The following GRB14 variants were observed in gnomAD, a reference collection of about 807,000 sequenced individuals.
GRB14 encodes the protein growth factor receptor bound protein 14.
In GRB14, 38 loss-of-function variants were observed where a neutral mutation model predicts 69.1. That is an observed-to-expected ratio of 0.55 (90% CI 0.42 to 0.72). The LOEUF is 0.72. GRB14 is among the 30% of genes least tolerant of loss of function. GRB14 has a pLI of 0.00. For missense variants in GRB14, 666 were observed against 666.1 expected, an observed-to-expected ratio of 1.00 and a Z score of 0.00; for synonymous variants, 247 against 241.3, an observed-to-expected ratio of 1.02 and a Z score of -0.22.
intron 2 of GRB14, among the ~76,000 whole-genome samples, chr2:164,548,605 T>G (rs1574296809): frequency 6.6e-6 from 1 of 152,182 alleles, no homozygotes; most frequent in Non-Finnish European, 1.5e-5. Context: ...TATATGGCAG[T>G]TCTATTTTTA....
intron 6 of GRB14, among the ~76,000 whole-genome samples, chr2:164,509,805 A>C (rs1574254213): frequency 1.3e-5 from 2 of 149,906 alleles, no homozygotes; most frequent in African/African-American, 5.0e-5. Context: ...AAAAAAAAAA[A>C]AAAAAAAACA....
intron 8 of GRB14, 101 bp from the exon 9 acceptor site, chr2:164,502,436 C>T (rs1687080534): frequency 1.4e-6 from 1 of 718,898 alleles, no homozygotes; most frequent in South Asian, 2.1e-5. Flanking sequence ...AATATAAAAA[C>T]AATTAAAGCA....
intron 2 of GRB14, among the ~76,000 whole-genome samples, chr2:164,577,460 T>C (rs1353881553): frequency 6.6e-6 from 1 of 152,178 alleles, no homozygotes; most frequent in Non-Finnish European, 1.5e-5. Context: ...TGTTTGAAAG[T>C]GTGTAGCACT....
intron 2 of GRB14, chr2:164,568,231 C>T: frequency 1.3e-6 from 1 of 760,030 alleles, no homozygotes; most frequent in Non-Finnish European, 1.9e-6. Flanking sequence ...AGTAAAGCTT[C>T]CTATGTATTA....
intron 2 of GRB14, among the ~76,000 whole-genome samples, chr2:164,607,200 T>G (rs1272473018): frequency 6.6e-6 from 1 of 152,236 alleles, no homozygotes; most frequent in Non-Finnish European, 1.5e-5. Flanking sequence ...TGATATCATT[T>G]ATATTAAAAT....
intron 2 of GRB14, among the ~76,000 whole-genome samples, chr2:164,591,470 G>A (rs1202453281): frequency 6.6e-6 from 1 of 152,106 alleles, no homozygotes; most frequent in African/African-American, 2.4e-5. Context: ...TAATAGTACT[G>A]TGTTCTTCAA....
intron 6 of GRB14, among the ~76,000 whole-genome samples, chr2:164,514,960 C>T (rs1382814624): frequency 1.3e-5 from 2 of 152,144 alleles, no homozygotes; most frequent in Admixed American, 6.5e-5. Flanking sequence ...CTCTGGTAAC[C>T]TGTATGATGC....
chr2:164,548,148 T>C (rs1426933532), intron 2 of GRB14, among the ~76,000 whole-genome samples: 1 of 151,904 alleles, frequency 6.6e-6, no homozygotes, highest in Non-Finnish European at 1.5e-5. Context: ...GATCTACATC[T>C]CCTCATTTCC....
chr2:164,605,330 A>T (rs1338795822), intron 2 of GRB14, among the ~76,000 whole-genome samples: 1 of 152,164 alleles, frequency 6.6e-6, no homozygotes, highest in Non-Finnish European at 1.5e-5. Flanking sequence ...AGGGAAGGAA[A>T]ACATGAGAGA....
chr2:164,506,210 G>A (rs1687184096), intron 8 of GRB14, among the ~76,000 whole-genome samples: 1 of 152,150 alleles, frequency 6.6e-6, no homozygotes, highest in South Asian at 2.1e-4. Flanking sequence ...TTAAGGATGG[G>A]GCGGGGACCA....
chr2:164,513,983 T>C (rs1308381337), intron 6 of GRB14, among the ~76,000 whole-genome samples: 1 of 152,218 alleles, frequency 6.6e-6, no homozygotes, highest in Non-Finnish European at 1.5e-5. Flanking sequence ...GGCAGCACTG[T>C]AGAATACACA....
At chr2:164,511,350 C>G (rs1220228943) in intron 6 of GRB14, among the ~76,000 whole-genome samples, 1 of 152,130 alleles carries the variant, frequency 6.6e-6, no homozygotes, top group Non-Finnish European at 1.5e-5. Flanking sequence ...AAAAAGAGAT[C>G]CCTTCCTTCC....
chr2:164,573,142 A>T (rs1559056860), intron 2 of GRB14, among the ~76,000 whole-genome samples: 1 of 152,062 alleles, frequency 6.6e-6, no homozygotes, highest in Non-Finnish European at 1.5e-5. Context: ...CATTGTTTTG[A>T]TAACTTATAA....
At chr2:164,594,447 T>G (rs948934526) in intron 2 of GRB14, among the ~76,000 whole-genome samples, 7 of 152,216 alleles carry the variant, frequency 4.6e-5, no homozygotes, top group Non-Finnish European at 7.4e-5. Flanking sequence ...AAGAAACATG[T>G]AAAGTGTCTG....
intron 1 of GRB14, among the ~76,000 whole-genome samples, chr2:164,620,341 A>G (rs995610445): frequency 1.3e-5 from 2 of 152,084 alleles, no homozygotes; most frequent in African/African-American, 4.8e-5. Context: ...CTCACTTCAA[A>G]TTTCATTCAC....
intron 3 of GRB14, among the ~76,000 whole-genome samples, chr2:164,547,336 T>C (rs1688405946): frequency 6.6e-6 from 1 of 152,172 alleles, no homozygotes; most frequent in South Asian, 2.1e-4. Flanking sequence ...CAGATATTTA[T>C]AAGATAAATT....
intron 8 of GRB14, among the ~76,000 whole-genome samples, chr2:164,502,990 C>T (rs1220566975): frequency 6.6e-6 from 1 of 151,838 alleles, no homozygotes; most frequent in Non-Finnish European, 1.5e-5. Context: ...TCTTCACTTT[C>T]AGGAGGCAGC....
At chr2:164,569,764 C>T (rs1437479438) in intron 2 of GRB14, among the ~76,000 whole-genome samples, 1 of 152,086 alleles carries the variant, frequency 6.6e-6, no homozygotes, top group East Asian at 1.9e-4. Context: ...TTGGGAGTGG[C>T]AGTAATGCGC....
chr2:164,613,542 G>A (rs954301730), intron 2 of GRB14, among the ~76,000 whole-genome samples: 1 of 152,178 alleles, frequency 6.6e-6, no homozygotes, highest in Non-Finnish European at 1.5e-5. Flanking sequence ...GAGGCCGCTG[G>A]CACTGACATG....
Sources: allele counts gnomAD v4.1 joint callset (sites outside exome capture counted in the v4.1 genomes callset), GRCh38; gene constraint gnomAD v4.1.1; transcripts MANE v1.5; gene names NCBI Gene and HGNC (gene_info 2026-07-23, HGNC 2026-07-21).